The following PRKD3 variants were observed in gnomAD, a reference collection of about 807,000 sequenced individuals.
PRKD3 encodes serine/threonine-protein kinase D3.
Under a neutral mutation model 99.2 loss-of-function variants are expected in PRKD3, and 47 were observed. The ratio of observed to expected loss-of-function variants is 0.47; its 90% confidence interval spans 0.38 to 0.60. PRKD3 has a LOEUF of 0.60. Ranked by LOEUF, PRKD3 falls within the 20% of genes least tolerant of loss-of-function variation. The pLI is 0.00. For missense variants in PRKD3, 1,019 were observed against 1,088.4 expected (o/e 0.94, Z 0.90); for synonymous variants, 392 against 355.4 (o/e 1.10, Z -1.16).
intron 17 of PRKD3, 84 bp from the exon 18 acceptor site, chr2:37,254,373 CCATAGAAATA>C: frequency 2.0e-6 from 2 of 1,016,762 alleles, no homozygotes; most frequent in Non-Finnish European, 3.1e-6. Flanking sequence ...GCAGTTCAAC[CCATAGAAATA>C]CAGGGTTGAG....
intron 1 of PRKD3, among the ~76,000 whole-genome samples, chr2:37,318,838 G>C (rs1671765897): frequency 6.6e-6 from 1 of 152,208 alleles, no homozygotes; most frequent in Non-Finnish European, 1.5e-5. Context: ...TCATGGCCTG[G>C]AGATTTGTAG....
chr2:37,308,548 G>T (rs1438625765), intron 2 of PRKD3, among the ~76,000 whole-genome samples: 1 of 25,148 alleles, frequency 4.0e-5, no homozygotes, highest in Non-Finnish European at 7.4e-5. Flanking sequence ...TCCCCACCCA[G>T]AGTTCAAGCG....
intron 15 of PRKD3, 68 bp from the exon 16 acceptor site, chr2:37,259,749 A>G: frequency 9.1e-7 from 1 of 1,098,372 alleles, no homozygotes; most frequent in African/African-American, 1.6e-5. Context: ...TGACTCCTTG[A>G]ATGATTTAAT....
intron 14 of PRKD3, among the ~76,000 whole-genome samples, chr2:37,267,011 G>A (rs552005269): frequency 5.9e-5 from 9 of 151,892 alleles, no homozygotes; most frequent in African/African-American, 1.9e-4. Context: ...TTTAAAATAC[G>A]CCCCAATCGA....
At position 37,267,591 on chromosome 2, in the gene PRKD3, G is replaced by A. The variant is rs556754227; in HGVS notation, c.1778-55C>T. On this transcript the variant is annotated intron_variant, in intron 13 of 18. Transcript: ENST00000234179. ...GAAGCAAACTGACAGCTTTATTAGGGAGTTGTCCACAGACTGAAATTTATA... is the reference window on the plus strand; with the variant it reads ...GAAGCAAACTGACAGCTTTATTAGGAAGTTGTCCACAGACTGAAATTTATA... 42 of 1,280,988 alleles carry A rather than the reference G, an allele frequency of 3.3e-5. No individual in the cohort carries two copies. In the African/African-American group the frequency reaches 5.0e-4, roughly 15 times the overall value. 79.4% of individuals were successfully genotyped at this position (1,280,988 alleles called of 1,614,324 possible).
chr2:37,267,869 G>A (rs1298577561), intron 13 of PRKD3: 1 of 234,164 alleles, frequency 4.3e-6, no homozygotes, highest in Non-Finnish European at 8.3e-6. Context: ...TGGAAATACT[G>A]TATGAATGAA....
At chr2:37,291,294 A>G (rs138931141) in intron 3 of PRKD3, among the ~76,000 whole-genome samples, 1 of 152,368 alleles carries the variant, frequency 6.6e-6, no homozygotes, top group Non-Finnish European at 1.5e-5. Context: ...TTAACCAATT[A>G]AAAACTGCTT....
At chr2:37,312,527 T>G (rs1325875030) in intron 2 of PRKD3, among the ~76,000 whole-genome samples, 1 of 152,196 alleles carries the variant, frequency 6.6e-6, no homozygotes, top group Non-Finnish European at 1.5e-5. Flanking sequence ...ATAAGAGTCC[T>G]TTTCACAGTC....
chr2:37,277,785 A>T, intron 9 of PRKD3, 81 bp downstream of exon 9: 2 of 1,450,446 alleles, frequency 1.4e-6, no homozygotes, highest in East Asian at 2.4e-5. Context: ...GTATCTCATC[A>T]TCATTTTGAT....
At chr2:37,296,616 G>A (rs942931748) in intron 2 of PRKD3, among the ~76,000 whole-genome samples, 22 of 152,142 alleles carry the variant, frequency 1.4e-4, no homozygotes, top group African/African-American at 4.3e-4. Context: ...GTAAGAGTCA[G>A]GCCGGGCGCA....
At chr2:37,267,362 AG>A (rs377092647) in intron 14 of PRKD3, 67 bp downstream of exon 14, 17 of 1,063,816 alleles carry the variant, frequency 1.6e-5, no homozygotes, top group South Asian at 6.3e-5. Flanking sequence ...AAAAAAAAAA[AG>A]AGAAGCAGTT....
rs1230980998 is a variant in PRKD3 at position 37,259,522 on chromosome 2, T to A, written c.2145+61A>T. 7 of 1,333,416 alleles carry A rather than the reference T, an allele frequency of 5.2e-6. No individual in the cohort carries two copies. In the African/African-American group the frequency reaches 8.8e-5, roughly 17 times the overall value. 82.6% of individuals were successfully genotyped at this position (1,333,416 alleles called of 1,614,324 possible). A position where few individuals can be genotyped will look rare whatever the true frequency, so the allele number is the denominator to read the frequency against. On this transcript the variant is annotated intron_variant, in intron 16 of 18. Transcript: ENST00000234179. Reference sequence around the variant, plus strand: ...ACAGTACTTAGTACACTGCCTTTTATTATGTGGGTGCTTTGAAAATGTTGC... The same window carrying A: ...ACAGTACTTAGTACACTGCCTTTTAATATGTGGGTGCTTTGAAAATGTTGC...
chr2:37,294,319 C>T (rs543605810), intron 2 of PRKD3, among the ~76,000 whole-genome samples: 1 of 152,196 alleles, frequency 6.6e-6, no homozygotes, highest in Admixed American at 6.5e-5. Flanking sequence ...TGGTGTTGAA[C>T]TTCTAGACTC....
intron 6 of PRKD3, 63 bp from the exon 7 acceptor site, chr2:37,282,682 G>T: frequency 8.9e-7 from 1 of 1,127,184 alleles, no homozygotes; most frequent in Non-Finnish European, 1.3e-6. Context: ...GATATGGTTA[G>T]ACTTTCTTTA....
intron 13 of PRKD3, chr2:37,268,201 A>G (rs948877687): frequency 2.4e-6 from 1 of 411,804 alleles, no homozygotes; most frequent in Non-Finnish European, 4.9e-6. Context: ...CTACATAGCT[A>G]TTTATTTTAG....
At chr2:37,264,958 T>C (rs567512612) in intron 14 of PRKD3, among the ~76,000 whole-genome samples, 1 of 152,294 alleles carries the variant, frequency 6.6e-6, no homozygotes, top group South Asian at 2.1e-4. Context: ...AGTGATCCTG[T>C]GATTTTTCCT....
intron 2 of PRKD3, among the ~76,000 whole-genome samples, chr2:37,307,911 T>C (rs967743136): frequency 1.3e-5 from 2 of 151,574 alleles, no homozygotes; most frequent in Non-Finnish European, 3.0e-5. Flanking sequence ...TGTGATATTC[T>C]TGTTAGAATT....
At chr2:37,302,994 T>C (rs571066145) in intron 2 of PRKD3, among the ~76,000 whole-genome samples, 5 of 152,284 alleles carry the variant, frequency 3.3e-5, no homozygotes, top group Admixed American at 1.3e-4. Flanking sequence ...CAATCGAATG[T>C]TGCCTTTTCC....
At chr2:37,297,808 G>T (rs1055757181) in intron 2 of PRKD3, among the ~76,000 whole-genome samples, 8 of 152,132 alleles carry the variant, frequency 5.3e-5, no homozygotes, top group African/African-American at 1.7e-4. Flanking sequence ...TCTACCAAGG[G>T]CACCTACTGT....
Sources: gnomAD v4.1 joint callset for allele counts (sites outside exome capture counted in the v4.1 genomes callset) on GRCh38, gnomAD v4.1.1 for gene constraint, MANE v1.5 for transcripts, NCBI Gene and HGNC (gene_info 2026-07-23, HGNC 2026-07-21) for gene names.